The following ZNF536 variants were observed in gnomAD, a reference collection of about 807,000 sequenced individuals.
The protein encoded by ZNF536 is zinc finger protein 536.
ZNF536 carries 13 observed loss-of-function variants against 84.5 expected under a neutral mutation model. The ratio of observed to expected loss-of-function variants is 0.15; its 90% confidence interval spans 0.10 to 0.24. The LOEUF is 0.24. ZNF536 is among the 10% of genes least tolerant of loss of function. The probability of loss-of-function intolerance (pLI) is 1.00; values close to 1 mark genes in which losing one functional copy is unlikely to be tolerated. For synonymous variants in ZNF536, 811 were observed against 742.5 expected (o/e 1.09, Z -1.50); for missense variants, 1,536 against 1,747.5 (o/e 0.88, Z 2.16).
intron 2 of ZNF536, among the ~76,000 whole-genome samples, chr19:30,452,078 A>T (rs1218283961): frequency 1.3e-5 from 2 of 152,180 alleles, no homozygotes; most frequent in African/African-American, 4.8e-5. Flanking sequence ...GCAGACAGCC[A>T]CAAGGTGTCC....
intron 2 of ZNF536, among the ~76,000 whole-genome samples, chr19:30,509,253 TATA>T (rs965098396): frequency 5.4e-4 from 80 of 148,574 alleles, no homozygotes; most frequent in African/African-American, 1.9e-3. Flanking sequence ...GTATAATATA[TATA>T]ATATGTAATG....
chr19:30,384,431 G>A (rs1049428079), intron 1 of ZNF536, among the ~76,000 whole-genome samples: 4 of 149,628 alleles, frequency 2.7e-5, no homozygotes, highest in Non-Finnish European at 5.9e-5. Context: ...AATGCTGGGG[G>A]CCTGGTGGCG....
chr19:30,284,866 T>A (rs1393908421), intron 2 of ZNF536, among the ~76,000 whole-genome samples: 1 of 141,108 alleles, frequency 7.1e-6, no homozygotes, highest in Non-Finnish European at 1.5e-5. Flanking sequence ...TTGTACTGAA[T>A]ATATATTTTT....
At chr19:30,354,031 C>A (rs2048018377) in intron 3 of ZNF536, among the ~76,000 whole-genome samples, 1 of 152,136 alleles carries the variant, frequency 6.6e-6, no homozygotes, top group Non-Finnish European at 1.5e-5. Flanking sequence ...TTCCCCTGAT[C>A]CCAATCGGGA....
intron 1 of ZNF536, among the ~76,000 whole-genome samples, chr19:30,400,524 G>C (rs2050003936): frequency 6.6e-6 from 1 of 152,092 alleles, no homozygotes; most frequent in Non-Finnish European, 1.5e-5. Flanking sequence ...TCTTTTGCCT[G>C]TTTTCTAATT....
intron 1 of ZNF536, among the ~76,000 whole-genome samples, chr19:30,382,420 A>C (rs189181115): frequency 4.8e-4 from 73 of 152,350 alleles, no homozygotes; most frequent in African/African-American, 1.7e-3. Context: ...AGATCAATAC[A>C]TTTAAATTAG....
intron 2 of ZNF536, among the ~76,000 whole-genome samples, chr19:30,512,578 G>A (rs1346378037): frequency 6.6e-6 from 1 of 151,332 alleles, no homozygotes; most frequent in African/African-American, 2.4e-5. Context: ...TCGTTGCTGT[G>A]ATACGAGTGT....
intron 1 of ZNF536, among the ~76,000 whole-genome samples, chr19:30,377,515 C>T (rs373794193): frequency 5.3e-5 from 8 of 152,152 alleles, no homozygotes; most frequent in African/African-American, 1.2e-4. Context: ...GGTGAAAGTA[C>T]GGCTACTCGT....
At chr19:30,661,625 A>C (rs1249856165) in intron 1 of ZNF536, among the ~76,000 whole-genome samples, 1 of 152,224 alleles carries the variant, frequency 6.6e-6, no homozygotes, top group Non-Finnish European at 1.5e-5. Flanking sequence ...AGACTTTCGC[A>C]TAAGGATATT....
intron 2 of ZNF536, among the ~76,000 whole-genome samples, chr19:30,298,124 C>T (rs749576917): frequency 2.0e-5 from 3 of 152,146 alleles, no homozygotes; most frequent in African/African-American, 7.2e-5. Flanking sequence ...GTGATCAGCC[C>T]GTCTTGGCCT....
rs567376608 is a variant in ZNF536 at position 30,247,119 on chromosome 19, C to T, written c.-190+18446C>T. ...TCTCTTCCCCAGTGTGTTCAAGTCT[C>T]CAGCTTCCTGTTCCACTATGACTTC... On this transcript the variant is annotated intron_variant, in intron 1 of 5. Coordinates refer to the ZNF536 transcript ENST00000585628. 2.9e-4 allele frequency among the ~76,000 whole-genome samples: 44 copies of T among 152,330 alleles called. 1 individual carries two copies. Among genetic ancestry groups the T allele is most frequent in the African/African-American group, 1.0e-3 (43 of 41,572 alleles).
rs2148169584 is a variant in ZNF536 at position 30,444,119 on chromosome 19, G to A, written c.557G>A (p.Gly186Asp). The change falls in exon 2 of 5, where the codon GGC (glycine) becomes GAC (aspartate). Residue 186 changes from glycine (G) to aspartate (D), a missense_variant. By Grantham distance (94) the Gly-to-Asp change is moderately conservative. Coordinates refer to ENST00000355537, the MANE Select transcript of ZNF536 (RefSeq NM_014717.3). ...HLRTHKLGNL[G>D]KGRGRVREEN... ...CGGACCCACAAGCTGGGCAACCTGG[G>A]CAAGGGGCGTGGGCGTGTGCGCGAG... The A allele has an allele frequency of 6.2e-7, 1 of 1,611,300 alleles. No individual in the cohort carries two copies. Among genetic ancestry groups the A allele is most frequent in the Non-Finnish European group, 8.5e-7 (1 of 1,178,912 alleles).
At chr19:30,551,471 C>T (rs932721108) in intron 4 of ZNF536, among the ~76,000 whole-genome samples, 5 of 152,176 alleles carry the variant, frequency 3.3e-5, no homozygotes, top group Non-Finnish European at 4.4e-5. Context: ...CAGCAGCACA[C>T]GACACGTCCC....
At chr19:30,456,428 C>T (rs753392224) in intron 2 of ZNF536, among the ~76,000 whole-genome samples, 10 of 150,360 alleles carry the variant, frequency 6.7e-5, no homozygotes, top group Non-Finnish European at 1.5e-4. Flanking sequence ...TGTGTTGCCT[C>T]GCAGTAGACT....
At chr19:30,390,775 G>A (rs891269575) in intron 1 of ZNF536, among the ~76,000 whole-genome samples, 2 of 152,174 alleles carry the variant, frequency 1.3e-5, no homozygotes, top group African/African-American at 4.8e-5. Flanking sequence ...GTGACTGGGA[G>A]GCCGGAGCTC....
chr19:30,500,302 G>A (rs1278660837), intron 2 of ZNF536, among the ~76,000 whole-genome samples: 2 of 152,046 alleles, frequency 1.3e-5, no homozygotes, highest in Non-Finnish European at 2.9e-5. Flanking sequence ...GATGAATGTG[G>A]GTCTCACAAC....
intron 1 of ZNF536, among the ~76,000 whole-genome samples, chr19:30,614,740 G>C (rs767941885): frequency 1.3e-4 from 20 of 151,174 alleles, no homozygotes; most frequent in Admixed American, 1.1e-3. Context: ...ATATATTAAG[G>C]AAATTAGCCC....
intron 3 of ZNF536, among the ~76,000 whole-genome samples, chr19:30,356,106 A>G (rs2048086654): frequency 6.6e-6 from 1 of 152,224 alleles, no homozygotes; most frequent in Non-Finnish European, 1.5e-5. Context: ...ACATCAGACA[A>G]TGATTTCATG....
chr19:30,617,586 G>C (rs866069926), intron 1 of ZNF536, among the ~76,000 whole-genome samples: 1 of 151,438 alleles, frequency 6.6e-6, no homozygotes, highest in African/African-American at 2.4e-5. Flanking sequence ...TCCTGACCTC[G>C]TGATCTGCCC....
Sources: allele counts gnomAD v4.1 joint callset (sites outside exome capture counted in the v4.1 genomes callset), GRCh38; gene constraint gnomAD v4.1.1; transcripts MANE v1.5; gene names NCBI Gene and HGNC (gene_info 2026-07-23, HGNC 2026-07-21).